POLQ: variants seen among roughly 807,000 people sequenced by gnomAD.
POLQ encodes the protein DNA polymerase theta.
POLQ carries 233 observed loss-of-function variants against 259.2 expected under a neutral mutation model. The observed-to-expected ratio is 0.90, with a 90% confidence interval of 0.81 to 1.00. The LOEUF (loss-of-function observed/expected upper bound fraction) is 1.00. POLQ is among the 50% of genes least tolerant of loss of function. The pLI is 0.00. For synonymous variants in POLQ, 1,025 were observed against 1,048.8 expected (o/e 0.98, Z 0.44); for missense variants, 2,871 against 3,051.6 (o/e 0.94, Z 1.39).
In POLQ at chr3:121,488,246, T is replaced by A. The variant is rs751970101; in HGVS notation, c.4685A>T (p.Asp1562Val). ...CAAAGCTTCAACCATCTGAACAGAA[T>A]CCATTTCTGAAAATATAATAGATTC... ...NDESIIFSEM[D>V]SVQMVEALDN... is the part of the protein sequence containing the mutation. The change falls in exon 16 of 30, where the codon GAT becomes GTT. Residue 1562 changes from aspartate to valine, a missense_variant. Coordinates refer to ENST00000264233, the MANE Select transcript of POLQ (RefSeq NM_199420.4). 1 of 1,613,294 alleles carries A rather than the reference T, an allele frequency of 6.2e-7. No individual in the cohort carries two copies. The highest frequency in any genetic ancestry group is 2.2e-5 in the East Asian group (1 of 44,866).
chr3:121,467,551 A>C lies in POLQ; in HGVS notation c.6935T>G (p.Ile2312Ser). 6.2e-7 allele frequency: 1 copy of C among 1,614,030 alleles called. No homozygotes were observed. The change falls in exon 24 of 30, where the codon ATT (isoleucine) becomes AGT (serine). Residue 2312 changes from isoleucine (I) to serine (S), a missense_variant. Ile to Ser is a moderately radical substitution (Grantham distance 142). Coordinates refer to ENST00000264233, the MANE Select transcript of POLQ (RefSeq NM_199420.4). ...AGGCACAAAGGCATGTCGCATGCTA[A>C]TTGAAAATGGCATTCCTCTGTCTGC... ...RAADRGMPFSISMRHAFVPFP... is the reference protein window; with the variant it reads ...RAADRGMPFSSSMRHAFVPFP...
At position 121,539,574 on chromosome 3, in the gene POLQ, C is replaced by A; in HGVS notation, c.490G>T (p.Val164Leu). 6.2e-7 allele frequency: 1 copy of A among 1,612,604 alleles called. No homozygotes were observed. Among genetic ancestry groups the A allele is most frequent in the Non-Finnish European group, 8.5e-7 (1 of 1,178,976 alleles). ...KYYLQSLFQE[V>L]GIKVDGYMGS... ...ATATAACCGTCTACTTTTATTCCTA[C>A]TTCCTGAAACAGACTCTGAATTGAG... The change falls in exon 4 of 30, where the codon GTA (valine) becomes TTA (leucine). Residue 164 changes from valine to leucine, a missense_variant. Physicochemically the swap from Val to Leu is conservative, Grantham distance 32. This residue lies in a region of POLQ where 783 missense variants were observed against 906.2 expected (regional missense o/e 0.86). Coordinates refer to ENST00000264233, the MANE Select transcript of POLQ (RefSeq NM_199420.4).
chr3:121,467,394 A>C (rs1409751430), intron 24 of POLQ, 125 bp downstream of exon 24: 2 of 882,254 alleles, frequency 2.3e-6, no homozygotes, highest in Non-Finnish European at 3.5e-6. Context: ...GGCAGGCTCC[A>C]CCGTAGACAG....
chr3:121,520,110 T>A, intron 8 of POLQ, 27 bp from the exon 9 acceptor site: 4 of 1,301,602 alleles, frequency 3.1e-6, no homozygotes, highest in Non-Finnish European at 4.4e-6. Flanking sequence ...TTTATATATT[T>A]ATTGATATAT....
intron 27 of POLQ, among the ~76,000 whole-genome samples, chr3:121,438,246 T>C (rs2047560788): frequency 6.6e-6 from 1 of 152,200 alleles, no homozygotes; most frequent in Non-Finnish European, 1.5e-5. Flanking sequence ...AGCAGCAACA[T>C]AATGAATCAG....
In POLQ at chr3:121,488,045, A is replaced by G; in HGVS notation, c.4886T>C (p.Phe1629Ser). ...KLTGTRQNHS[F>S]IWSGASFDLS... is the part of the protein sequence containing the mutation. ...ATCAAATGATGCCCCTGACCATATG[A>G]ATGAATGATTTTGCCTGGTCCCAGT... The change falls in exon 16 of 30, where the codon TTC becomes TCC. Residue 1629 changes from phenylalanine (F) to serine (S), a missense_variant. Phe to Ser is a radical substitution (Grantham distance 155, BLOSUM62 -2). This residue lies in a region of POLQ where 2,080 missense variants were observed against 2,126.0 expected (regional missense o/e 0.98). Coordinates refer to ENST00000264233, the MANE Select transcript of POLQ (RefSeq NM_199420.4). The G allele has an allele frequency of 6.2e-7, 1 of 1,613,966 alleles. No homozygotes were observed.
Position 121,544,820 on chromosome 3 carries a change from A to ATT in POLQ, c.248_249dup (p.Tyr84AsnfsTer7). 6.2e-7 allele frequency: 1 copy of ATT among 1,612,670 alleles called. No homozygotes were observed. The highest frequency in any genetic ancestry group is 8.5e-7 in the Non-Finnish European group (1 of 1,178,730). On this transcript the variant is annotated frameshift_variant, in exon 2 of 30. Transcript: ENST00000264233. LOFTEE classifies it high-confidence loss of function. Reference sequence around the variant, plus strand: ...ATCTTTTTTACACCAAAACTGTGGTATTTTTCCAGAACTGCTTTAGGAAGT... The same window carrying ATT: ...ATCTTTTTTACACCAAAACTGTGGTATTTTTTTCCAGAACTGCTTTAGGAAGT...
At chr3:121,541,006 G>A (rs544189611) in intron 3 of POLQ, among the ~76,000 whole-genome samples, 33 of 151,492 alleles carry the variant, frequency 2.2e-4, no homozygotes, top group Non-Finnish European at 3.5e-4. Context: ...TCAGTCTCCC[G>A]AGTAGCTGGA....
At chr3:121,494,232 G>T in intron 14 of POLQ, 1 of 1,568,776 alleles carries the variant, frequency 6.4e-7, no homozygotes, top group African/African-American at 1.3e-5. Context: ...TTTGGCACTG[G>T]ACAGGACATC....
chr3:121,444,919 G>A (rs2047620505), intron 26 of POLQ, among the ~76,000 whole-genome samples: 5 of 152,096 alleles, frequency 3.3e-5, no homozygotes, highest in Admixed American at 3.3e-4. Flanking sequence ...TGCATATGTT[G>A]AACCATCCTT....
chr3:121,478,254 C>A (rs766796763), intron 19 of POLQ, among the ~76,000 whole-genome samples: 42 of 152,102 alleles, frequency 2.8e-4, no homozygotes, highest in Non-Finnish European at 4.6e-4. Flanking sequence ...GGAGCAAAAC[C>A]TTTCTAAGGG....
At chr3:121,507,039 T>C (rs2048213974) in intron 12 of POLQ, among the ~76,000 whole-genome samples, 2 of 152,112 alleles carry the variant, frequency 1.3e-5, no homozygotes, top group African/African-American at 4.8e-5. Flanking sequence ...GTGAAGGATA[T>C]GTATGTCTGA....
chr3:121,533,219 A>T lies in POLQ; in HGVS notation c.741-10T>A, dbSNP rs775182016. 4 of 1,525,694 alleles carry T rather than the reference A, an allele frequency of 2.6e-6. No individual in the cohort carries two copies. The Admixed American group carries it at 8.3e-5, about 32-fold the overall frequency. 94.5% of individuals were successfully genotyped at this position (1,525,694 alleles called of 1,614,324 possible). ...GGCTAGATCTGCCTGACTGTAAAAA[A>T]ACAAATGAAAAGAACATTAAAAGAT... On this transcript the variant is annotated splice_polypyrimidine_tract_variant and intron_variant, in intron 5 of 29. Coordinates refer to ENST00000264233, the MANE Select transcript of POLQ (RefSeq NM_199420.4).
intron 15 of POLQ, among the ~76,000 whole-genome samples, chr3:121,493,075 G>C (rs983260409): frequency 9.9e-5 from 15 of 152,244 alleles, no homozygotes; most frequent in African/African-American, 3.4e-4. Context: ...GCTGAGGCAG[G>C]GGGATTGGCT....
chr3:121,475,992 C>G (rs1452140851), intron 20 of POLQ, among the ~76,000 whole-genome samples: 3 of 150,106 alleles, frequency 2.0e-5, no homozygotes, highest in Non-Finnish European at 4.4e-5. Flanking sequence ...ATAAGAGAAA[C>G]CAAGTTCCTC....
intron 25 of POLQ, among the ~76,000 whole-genome samples, chr3:121,457,859 A>G (rs7614639): frequency 0.6 from 90,485 of 151,748 alleles, 27,909 homozygotes; most frequent in East Asian, 0.89. Flanking sequence ...TAGAAATACC[A>G]TTTGACCCAG....
At chr3:121,442,048 T>A (rs991897889) in intron 26 of POLQ, among the ~76,000 whole-genome samples, 1 of 152,234 alleles carries the variant, frequency 6.6e-6, no homozygotes, top group African/African-American at 2.4e-5. Context: ...CTTCTGAGCA[T>A]TGAATGGTAA....
intron 23 of POLQ, 134 bp downstream of exon 23, chr3:121,468,171 A>T (rs565228608): frequency 1.5e-6 from 1 of 652,000 alleles, no homozygotes; most frequent in Admixed American, 3.2e-5. Flanking sequence ...CAGGATTCAA[A>T]ACGGTCTAGG....
intron 24 of POLQ, among the ~76,000 whole-genome samples, chr3:121,463,255 TG>T (rs2047807542): frequency 6.6e-6 from 1 of 152,194 alleles, no homozygotes; most frequent in African/African-American, 2.4e-5. Context: ...GTTTTATAAA[TG>T]GGAGTTCCCC....
Sources: allele counts gnomAD v4.1 joint callset (sites outside exome capture counted in the v4.1 genomes callset), GRCh38; gene constraint gnomAD v4.1.1; regional missense constraint gnomAD v4.1.1; transcripts MANE v1.5; gene names NCBI Gene and HGNC (gene_info 2026-07-23, HGNC 2026-07-21).